Variants in PCDH11X observed in about 807,000 individuals in gnomAD.
PCDH11X encodes protocadherin-11 X-linked.
PCDH11X carries 18 observed loss-of-function variants against 53.3 expected under a neutral mutation model. The ratio of observed to expected loss-of-function variants is 0.34; its 90% CI spans 0.23 to 0.50. PCDH11X has a LOEUF of 0.50. Ranked by LOEUF, PCDH11X falls within the 20% of genes least tolerant of loss-of-function variation. The pLI is 0.98. For synonymous variants in PCDH11X, 279 were observed against 393.3 expected (o/e 0.71, Z 3.44); for missense variants, 570 against 1,032.4 (o/e 0.55, Z 6.14).
At position 92,563,425 on chromosome X, in the gene PCDH11X, T is replaced by C. The variant is rs766421672; in HGVS notation, c.3368-54839T>C. 4.9e-4 allele frequency among the ~76,000 whole-genome samples: 53 copies of C among 108,699 alleles called. No homozygotes were observed. The Middle Eastern group carries it at 0.023, about 48-fold the overall frequency. 94.4% of individuals were successfully genotyped at this position (108,699 alleles called of 115,157 possible). A position where few individuals can be genotyped will look rare whatever the true frequency, so the allele number is the denominator to read the frequency against. ...TCCCTCCCTGGCCCCATCTCCAATA[T>C]ATGAGATTACATTTCAATGTAAGAT... is the stretch of plus-strand genomic sequence containing the variant. On this transcript the variant is annotated intron_variant, in intron 10 of 10. Coordinates refer to ENST00000682573, the MANE Select transcript of PCDH11X (RefSeq NM_032968.5).
chrX:92,505,010 T>G (rs2074024820), intron 10 of PCDH11X, among the ~76,000 whole-genome samples: 2 of 110,064 alleles, frequency 1.8e-5, no homozygotes, highest in South Asian at 7.7e-4. Flanking sequence ...GTATGTTGTT[T>G]TTTTGTTTGT....
chrX:92,211,449 G>A (rs998009526), intron 7 of PCDH11X, among the ~76,000 whole-genome samples: 3 of 111,930 alleles, frequency 2.7e-5, no homozygotes, highest in African/African-American at 9.7e-5. Context: ...GGATTTTGGT[G>A]AGGACACAGA....
chrX:91,868,923 A>T (rs1939133269), intron 5 of PCDH11X, among the ~76,000 whole-genome samples: 1 of 111,521 alleles, frequency 9.0e-6, no homozygotes, highest in Non-Finnish European at 1.9e-5. Context: ...TTTTACAAGA[A>T]ATTTTTAAGA....
chrX:92,053,673 C>T (rs1327867596), intron 6 of PCDH11X, among the ~76,000 whole-genome samples: 11 of 107,443 alleles, frequency 1.0e-4, no homozygotes, highest in Non-Finnish European at 1.1e-4. Context: ...CGGGTTCAAG[C>T]GATTCTCCTG....
At chrX:91,792,039 T>C (rs1161045222) in intron 1 of PCDH11X, among the ~76,000 whole-genome samples, 1 of 108,124 alleles carries the variant, frequency 9.2e-6, no homozygotes, top group African/African-American at 3.4e-5. Flanking sequence ...CTTTTTGTAT[T>C]TTTAGTAGAG....
chrX:91,834,829 C>A, intron 4 of PCDH11X: 1 of 176,064 alleles, frequency 5.7e-6, no homozygotes, highest in Non-Finnish European at 8.9e-6. Context: ...ATCCTCTAAT[C>A]CCCTTTTCAC....
intron 8 of PCDH11X, among the ~76,000 whole-genome samples, chrX:92,308,174 C>T (rs2068870840): frequency 9.2e-6 from 1 of 108,491 alleles, no homozygotes; most frequent in Admixed American, 1.0e-4. Flanking sequence ...TATGGAATCT[C>T]AAGGGACCTT....
chrX:92,499,955 T>C (rs6619052), intron 10 of PCDH11X, among the ~76,000 whole-genome samples: 52,898 of 109,281 alleles, frequency 0.48, 9,336 homozygotes, highest in South Asian at 0.64. Context: ...CTAATGCTAG[T>C]TCTGGTCACT....
intron 1 of PCDH11X, among the ~76,000 whole-genome samples, chrX:91,782,826 A>G (rs1935200900): frequency 9.0e-6 from 1 of 111,667 alleles, no homozygotes; most frequent in Non-Finnish European, 1.9e-5. Flanking sequence ...TATAGTCCTA[A>G]GGAGCAAGCC....
At chrX:92,133,623 C>T (rs2065032496) in intron 6 of PCDH11X, among the ~76,000 whole-genome samples, 1 of 112,332 alleles carries the variant, frequency 8.9e-6, no homozygotes, top group African/African-American at 3.2e-5. Context: ...GCCTCGGCCT[C>T]CCAAAGTGCT....
chrX:92,225,841 T>A (rs2066960338), intron 7 of PCDH11X, among the ~76,000 whole-genome samples: 1 of 111,974 alleles, frequency 8.9e-6, no homozygotes, highest in East Asian at 2.8e-4. Flanking sequence ...AAGCAAAGTA[T>A]GTCCTAATCA....
intron 6 of PCDH11X, among the ~76,000 whole-genome samples, chrX:92,148,012 T>C (rs1289143448): frequency 1.2e-5 from 1 of 85,138 alleles, no homozygotes; most frequent in African/African-American, 4.9e-5. Context: ...TTTCTTTTTC[T>C]TTCCTTCCTT....
chrX:92,334,063 A>C lies in PCDH11X; in HGVS notation c.3145-53672A>C, dbSNP rs181755173. Reference sequence around the variant, plus strand: ...TCAATGAATACTGTAAATTTTTTTGAAATTTCTGACAATTTGGAAAAACTT... The same window carrying C: ...TCAATGAATACTGTAAATTTTTTTGCAATTTCTGACAATTTGGAAAAACTT... On this transcript the variant is annotated intron_variant, in intron 8 of 10. Transcript: ENST00000682573. Among the ~76,000 whole-genome samples, 6 of 111,552 alleles carry C rather than the reference A, an allele frequency of 5.4e-5. No individual in the cohort carries two copies. In the East Asian group the frequency reaches 1.7e-3, roughly 32 times the overall value.
At chrX:92,333,779 A>C (rs2069548777) in intron 8 of PCDH11X, among the ~76,000 whole-genome samples, 1 of 110,006 alleles carries the variant, frequency 9.1e-6, no homozygotes, top group African/African-American at 3.3e-5. Context: ...AGTTCAATTA[A>C]GCAACACACA....
intron 7 of PCDH11X, among the ~76,000 whole-genome samples, chrX:92,228,631 T>A: frequency 9.3e-6 from 1 of 107,969 alleles, no homozygotes. Context: ...AAAATGTAGA[T>A]GATACTACCA....
chrX:92,507,304 G>C (rs1174719126), intron 10 of PCDH11X, among the ~76,000 whole-genome samples: 1 of 110,213 alleles, frequency 9.1e-6, no homozygotes, highest in Non-Finnish European at 1.9e-5. Flanking sequence ...AGTTCTCTAG[G>C]CGTGATATTA....
chrX:92,230,566 C>CATATATAAT (rs1308038361), intron 7 of PCDH11X, among the ~76,000 whole-genome samples: 1 of 88,679 alleles, frequency 1.1e-5, no homozygotes, highest in East Asian at 3.4e-4. Flanking sequence ...ATATAAAATA[C>CATATATAAT]ATATATAATA....
At chrX:91,997,818 G>A (rs2062445144) in intron 6 of PCDH11X, among the ~76,000 whole-genome samples, 2 of 110,806 alleles carry the variant, frequency 1.8e-5, no homozygotes, top group South Asian at 7.6e-4. Flanking sequence ...TTAAATATTT[G>A]GTAGAATTCA....
Position 92,187,092 on chromosome X carries a change from G to A in PCDH11X, c.3034-14283G>A, listed in dbSNP as rs139714919. ...TGCTGTAACATATGCAGCAAACCTA[G>A]TGGCTTAAAACAACAAAAAAATCAC... On this transcript the variant is annotated intron_variant, in intron 6 of 10. Coordinates refer to ENST00000682573, the MANE Select transcript of PCDH11X (RefSeq NM_032968.5). Among the ~76,000 whole-genome samples the A allele has an allele frequency of 1.9e-3, 211 of 111,872 alleles. 6 individuals are homozygous for A. In the East Asian group the frequency reaches 0.052, roughly 28 times the overall value.
Sources: allele counts gnomAD v4.1 joint callset (sites outside exome capture counted in the v4.1 genomes callset), GRCh38; gene constraint gnomAD v4.1.1; transcripts MANE v1.5; gene names NCBI Gene and HGNC (gene_info 2026-07-23, HGNC 2026-07-21).